The following GRIP1 variants were observed in gnomAD, a reference collection of about 807,000 sequenced individuals.
GRIP1 encodes glutamate receptor interacting protein 1.
In GRIP1, 45 loss-of-function variants were observed where a neutral mutation model predicts 129.9. The observed-to-expected ratio is 0.35, with a 90% CI of 0.27 to 0.44. The LOEUF is 0.44. Ranked by LOEUF, GRIP1 falls within the 20% of genes least tolerant of loss-of-function variation. GRIP1 has a pLI of 1.00. For synonymous variants in GRIP1, 530 were observed against 520.8 expected, an observed-to-expected ratio of 1.02 and a Z score of -0.24; for missense variants, 1,196 against 1,396.8, an observed-to-expected ratio of 0.86 and a Z score of 2.29.
At chr12:66,933,297 T>C (rs1053620958) in intron 1 of GRIP1, among the ~76,000 whole-genome samples, 4 of 152,298 alleles carry the variant, frequency 2.6e-5, no homozygotes, top group African/African-American at 9.6e-5. Flanking sequence ...CATCAACACA[T>C]TAATTCTCCA....
intron 2 of GRIP1, among the ~76,000 whole-genome samples, chr12:66,588,051 T>G (rs763452716): frequency 1.3e-5 from 2 of 152,058 alleles, no homozygotes; most frequent in Non-Finnish European, 2.9e-5. Flanking sequence ...CAAGACTGAC[T>G]ATGATGCCAC....
At chr12:66,764,787 C>A (rs560943430) in intron 1 of GRIP1, among the ~76,000 whole-genome samples, 200 of 152,320 alleles carry the variant, frequency 1.3e-3, no homozygotes, top group Non-Finnish European at 2.3e-3. Context: ...AGCCCCCTAT[C>A]TCTTGTCTGT....
chr12:66,490,502 G>C (rs2060076504), intron 7 of GRIP1, among the ~76,000 whole-genome samples: 1 of 152,126 alleles, frequency 6.6e-6, no homozygotes, highest in South Asian at 2.1e-4. Context: ...AGACTTAAAT[G>C]TTAAACCCAA....
chr12:66,677,842 T>C (rs1404042972), intron 1 of GRIP1, among the ~76,000 whole-genome samples: 1 of 152,178 alleles, frequency 6.6e-6, no homozygotes, highest in African/African-American at 2.4e-5. Flanking sequence ...TATGTCAAGC[T>C]AAACTGACAG....
intron 1 of GRIP1, among the ~76,000 whole-genome samples, chr12:66,723,052 T>C (rs987245264): frequency 6.6e-6 from 1 of 150,964 alleles, no homozygotes; most frequent in Admixed American, 6.6e-5. Flanking sequence ...ATTCACCCTA[T>C]ACTGATCCAT....
At chr12:66,740,345 G>A (rs958185979) in intron 1 of GRIP1, among the ~76,000 whole-genome samples, 3 of 152,102 alleles carry the variant, frequency 2.0e-5, no homozygotes, top group Non-Finnish European at 4.4e-5. Context: ...ACCCCTGTCC[G>A]TGCCTATGAG....
At chr12:66,563,060 A>G (rs555773110) in intron 2 of GRIP1, among the ~76,000 whole-genome samples, 313 of 152,116 alleles carry the variant, frequency 2.1e-3, no homozygotes, top group African/African-American at 6.0e-3. Context: ...GAGGTGGTAG[A>G]AAATCTGTGT....
rs138952588 is a variant in GRIP1, at chr12:66,607,370, A to C, written c.56-10443T>G. 6.6e-5 allele frequency among the ~76,000 whole-genome samples: 10 copies of C among 152,332 alleles called. No homozygotes were observed. In the East Asian group the frequency reaches 1.7e-3, roughly 26 times the overall value. ...ATTTATTTCTCTAACTCCCACTCTGAGCCAACCATTCTCTACAGATAGAGG... is the reference window on the plus strand; with the variant it reads ...ATTTATTTCTCTAACTCCCACTCTGCGCCAACCATTCTCTACAGATAGAGG... On this transcript the variant is annotated intron_variant, in intron 1 of 24. Coordinates refer to ENST00000359742, the MANE Select transcript of GRIP1 (RefSeq NM_001366722.1).
chr12:66,665,774 T>G (rs74357464), intron 1 of GRIP1, among the ~76,000 whole-genome samples: 2,068 of 152,276 alleles, frequency 0.014, 57 homozygotes, highest in African/African-American at 0.048. Context: ...TGCATTTTTT[T>G]GGGTATAAAA....
chr12:66,743,562 T>C (rs2036853873), intron 1 of GRIP1, among the ~76,000 whole-genome samples: 4 of 149,816 alleles, frequency 2.7e-5, no homozygotes, highest in Non-Finnish European at 5.9e-5. Flanking sequence ...ACAAGTTGAA[T>C]CAATGATGTC....
intron 1 of GRIP1, among the ~76,000 whole-genome samples, chr12:66,903,012 A>G (rs527998741): frequency 2.0e-5 from 3 of 152,182 alleles, no homozygotes; most frequent in Non-Finnish European, 4.4e-5. Flanking sequence ...TATTTATACA[A>G]ACACAGTTTT....
intron 1 of GRIP1, among the ~76,000 whole-genome samples, chr12:66,598,477 C>A (rs1157360567): frequency 2.0e-5 from 3 of 152,164 alleles, no homozygotes; most frequent in African/African-American, 7.2e-5. Context: ...GTCTTCGACT[C>A]TTCTCTTTGC....
At chr12:66,878,276 A>G (rs2040415854) in intron 1 of GRIP1, among the ~76,000 whole-genome samples, 1 of 152,060 alleles carries the variant, frequency 6.6e-6, no homozygotes, top group Admixed American at 6.6e-5. Flanking sequence ...GTTATAAGAG[A>G]GATAGTAAGT....
chr12:67,063,027 A>G (rs2043561546), intron 1 of GRIP1, among the ~76,000 whole-genome samples: 1 of 152,236 alleles, frequency 6.6e-6, no homozygotes, highest in Non-Finnish European at 1.5e-5. Context: ...AACCATCTGC[A>G]AGGTACTATC....
intron 1 of GRIP1, among the ~76,000 whole-genome samples, chr12:66,715,447 G>T (rs902261291): frequency 1.9e-5 from 1 of 53,874 alleles, no homozygotes; most frequent in East Asian, 6.0e-4. Flanking sequence ...ATGAATTGTA[G>T]CTTGATGTGT....
At chr12:66,585,866 T>A (rs1012055814) in intron 2 of GRIP1, among the ~76,000 whole-genome samples, 3 of 148,504 alleles carry the variant, frequency 2.0e-5, no homozygotes, top group Non-Finnish European at 4.5e-5. Flanking sequence ...ATGATGAGCA[T>A]TTTTTCATGT....
At chr12:66,470,442 T>TC (rs200429207) in intron 7 of GRIP1, among the ~76,000 whole-genome samples, 33,627 of 105,968 alleles carry the variant, frequency 0.32, 4,313 homozygotes, top group Middle Eastern at 0.55. Flanking sequence ...ACCTACTTTT[T>TC]TTTTTTTTTA....
At chr12:66,904,721 T>C (rs2040900341) in intron 1 of GRIP1, among the ~76,000 whole-genome samples, 3 of 152,192 alleles carry the variant, frequency 2.0e-5, no homozygotes, top group South Asian at 4.2e-4. Flanking sequence ...TGAAACCTCA[T>C]CTTCTATTAA....
At chr12:66,427,015 T>A (rs1257575543) in intron 14 of GRIP1, among the ~76,000 whole-genome samples, 1 of 151,098 alleles carries the variant, frequency 6.6e-6, no homozygotes, top group East Asian at 1.9e-4. Flanking sequence ...TACTTCGGAG[T>A]CGGAGAAGGC....
Sources: allele counts gnomAD v4.1 joint callset (sites outside exome capture counted in the v4.1 genomes callset), GRCh38; gene constraint gnomAD v4.1.1; transcripts MANE v1.5; gene names NCBI Gene and HGNC (gene_info 2026-07-23, HGNC 2026-07-21).